The following ZBTB20 variants were observed in gnomAD, a reference collection of about 807,000 sequenced individuals.
ZBTB20 encodes the protein zinc finger and BTB domain-containing protein 20.
Under a neutral mutation model 56.9 loss-of-function variants are expected in ZBTB20, and 9 were observed. The ratio of observed to expected loss-of-function variants is 0.16; its 90% CI spans 0.10 to 0.28. The LOEUF (loss-of-function observed/expected upper bound fraction) is 0.28, where lower values mean the gene tolerates loss of function less well. Among genes scored for constraint, ZBTB20 ranks in the 10% least tolerant of loss-of-function variants. The probability of loss-of-function intolerance (pLI) is 1.00; values close to 1 mark genes in which losing one functional copy is unlikely to be tolerated. For synonymous variants in ZBTB20, 417 were observed against 420.7 expected, an observed-to-expected ratio of 0.99 and a Z score of 0.11; for missense variants, 655 against 1,003.0, an observed-to-expected ratio of 0.65 and a Z score of 4.69.
intron 4 of ZBTB20, among the ~76,000 whole-genome samples, chr3:114,857,888 G>T (rs918929999): frequency 6.6e-6 from 1 of 152,194 alleles, no homozygotes; most frequent in African/African-American, 2.4e-5. Context: ...GTCCCTTGTG[G>T]TGCTAGGCCA....
chr3:114,592,751 T>C (rs976308772), intron 6 of ZBTB20, among the ~76,000 whole-genome samples: 8 of 152,224 alleles, frequency 5.3e-5, no homozygotes, highest in Admixed American at 2.0e-4. Flanking sequence ...AGATTACTTA[T>C]TCTAATCTAT....
intron 3 of ZBTB20, among the ~76,000 whole-genome samples, chr3:114,918,177 T>C (rs2075821321): frequency 6.6e-6 from 1 of 151,992 alleles, no homozygotes; most frequent in Non-Finnish European, 1.5e-5. Context: ...CAAGCTACTG[T>C]CAATGTTCAT....
rs60383315 is a variant in ZBTB20, at chr3:114,315,568, AGT to A, written c.*23435_*23436del. The A allele has an allele frequency of 0.026, 3,879 of 147,650 alleles. 55 individuals carry two copies. The highest frequency in any genetic ancestry group is 0.034 in the Non-Finnish European group (2,291 of 67,054). The allele number at this position is 147,650 out of a possible 1,614,324, so 9.1% of individuals were successfully genotyped here. A position where few individuals can be genotyped will look rare whatever the true frequency, so the allele number is the denominator to read the frequency against. On this transcript the variant is annotated 3_prime_UTR_variant, in exon 12 of 12. Coordinates refer to ENST00000675478, the MANE Select transcript of ZBTB20 (RefSeq NM_001348800.3). Reference sequence around the variant, plus strand: ...GTGTGTATTTTAGGTCTAAACATACAGTGTGTGTGTGTGTGTGTGTGTGTGTG... The same window carrying A: ...GTGTGTATTTTAGGTCTAAACATACAGTGTGTGTGTGTGTGTGTGTGTGTG...
intron 1 of ZBTB20, among the ~76,000 whole-genome samples, chr3:115,134,770 C>T (rs996920327): frequency 1.3e-5 from 2 of 152,156 alleles, no homozygotes; most frequent in African/African-American, 4.8e-5. Flanking sequence ...CTATGGGTCT[C>T]CTTAAATGAA....
At chr3:114,352,316 A>C (rs1356213330) in intron 10 of ZBTB20, among the ~76,000 whole-genome samples, 5 of 152,164 alleles carry the variant, frequency 3.3e-5, no homozygotes, top group Non-Finnish European at 7.4e-5. Flanking sequence ...CTAAGCCCAG[A>C]TTCTTTGGGA....
At chr3:114,353,922 G>A (rs1405045618) in intron 10 of ZBTB20, among the ~76,000 whole-genome samples, 2 of 152,172 alleles carry the variant, frequency 1.3e-5, no homozygotes, top group Non-Finnish European at 2.9e-5. Flanking sequence ...TTTAAACCCA[G>A]GCAGTCTGGC....
chr3:114,517,931 A>G (rs930077777), intron 6 of ZBTB20, among the ~76,000 whole-genome samples: 2 of 152,194 alleles, frequency 1.3e-5, no homozygotes, highest in Non-Finnish European at 2.9e-5. Flanking sequence ...TGAAGATAGT[A>G]GAACTGTGGA....
At chr3:114,774,928 G>T (rs1466453771) in intron 5 of ZBTB20, among the ~76,000 whole-genome samples, 1 of 151,954 alleles carries the variant, frequency 6.6e-6, no homozygotes, top group African/African-American at 2.4e-5. Context: ...GAAAAGAAAA[G>T]AAAAAACTTC....
At chr3:114,849,673 C>T (rs1354143214) in intron 4 of ZBTB20, among the ~76,000 whole-genome samples, 3 of 152,090 alleles carry the variant, frequency 2.0e-5, no homozygotes, top group Non-Finnish European at 4.4e-5. Context: ...TAATTTTATA[C>T]TTATCATGTT....
intron 1 of ZBTB20, among the ~76,000 whole-genome samples, chr3:115,089,387 T>C (rs958721617): frequency 2.6e-5 from 4 of 151,860 alleles, no homozygotes; most frequent in African/African-American, 9.7e-5. Flanking sequence ...TAACAATTCA[T>C]TAACTATAAT....
At chr3:115,108,962 G>A (rs1467334820) in intron 1 of ZBTB20, among the ~76,000 whole-genome samples, 1 of 152,108 alleles carries the variant, frequency 6.6e-6, no homozygotes, top group Non-Finnish European at 1.5e-5. Context: ...CCTATAAGCT[G>A]ATCTTAAATG....
chr3:114,389,739 A>C (rs1576548100), intron 7 of ZBTB20, among the ~76,000 whole-genome samples: 1 of 143,322 alleles, frequency 7.0e-6, no homozygotes, highest in Admixed American at 7.0e-5. Context: ...ATGCAAAAAA[A>C]TTAGCCAGGC....
At chr3:114,367,515 T>TC (rs1471996228) in intron 10 of ZBTB20, among the ~76,000 whole-genome samples, 1 of 152,196 alleles carries the variant, frequency 6.6e-6, no homozygotes, top group Non-Finnish European at 1.5e-5. Flanking sequence ...CACACTGGCC[T>TC]CCCAAAGTGT....
intron 1 of ZBTB20, among the ~76,000 whole-genome samples, chr3:115,091,002 G>A (rs1251209901): frequency 6.6e-6 from 1 of 151,834 alleles, no homozygotes; most frequent in Non-Finnish European, 1.5e-5. Flanking sequence ...GTAGTCCATA[G>A]TCCTCTACCA....
At chr3:114,716,423 C>T (rs992589564) in intron 5 of ZBTB20, among the ~76,000 whole-genome samples, 1 of 152,150 alleles carries the variant, frequency 6.6e-6, no homozygotes, top group Non-Finnish European at 1.5e-5. Flanking sequence ...TGTGCGTAGA[C>T]TCACAGACAC....
At chr3:115,067,430 A>C (rs1194647520) in intron 2 of ZBTB20, among the ~76,000 whole-genome samples, 1 of 151,936 alleles carries the variant, frequency 6.6e-6, no homozygotes, top group Non-Finnish European at 1.5e-5. Context: ...TTTTCTGCAG[A>C]TCTTTATACG....
intron 10 of ZBTB20, among the ~76,000 whole-genome samples, chr3:114,371,584 G>A (rs752668949): frequency 6.6e-6 from 1 of 150,996 alleles, no homozygotes; most frequent in Non-Finnish European, 1.5e-5. Context: ...TACTTAGCCT[G>A]TGGTCCTCCA....
chr3:114,430,208 T>C (rs2090017884), intron 7 of ZBTB20, among the ~76,000 whole-genome samples: 1 of 152,220 alleles, frequency 6.6e-6, no homozygotes, highest in African/African-American at 2.4e-5. Flanking sequence ...AAAGATAACA[T>C]GTGAGTGCCT....
intron 1 of ZBTB20, among the ~76,000 whole-genome samples, chr3:115,091,737 C>T (rs529858026): frequency 4.0e-5 from 6 of 148,964 alleles, no homozygotes; most frequent in African/African-American, 7.4e-5. Flanking sequence ...TATATATACA[C>T]GAGAATGTTA....
Sources: allele counts gnomAD v4.1 joint callset (sites outside exome capture counted in the v4.1 genomes callset), GRCh38; gene constraint gnomAD v4.1.1; transcripts MANE v1.5; gene names NCBI Gene and HGNC (gene_info 2026-07-23, HGNC 2026-07-21).